The following MAP4K4 variants were observed in gnomAD, a reference collection of about 807,000 sequenced individuals.
The protein encoded by MAP4K4 is mitogen-activated protein kinase kinase kinase kinase 4.
Under a neutral mutation model 189.6 loss-of-function variants are expected in MAP4K4, and 38 were observed. That is an observed-to-expected ratio of 0.20 (90% CI 0.15 to 0.26). The LOEUF is 0.26. MAP4K4 is among the 10% of genes least tolerant of loss of function. MAP4K4 has a pLI of 1.00. For missense variants in MAP4K4, 1,054 were observed against 1,726.9 expected (o/e 0.61, Z 6.91); for synonymous variants, 610 against 624.3 (o/e 0.98, Z 0.34).
At chr2:101,769,738 C>A (rs1209715639) in intron 2 of MAP4K4, among the ~76,000 whole-genome samples, 1 of 152,078 alleles carries the variant, frequency 6.6e-6, no homozygotes, top group African/African-American at 2.4e-5. Flanking sequence ...TGCCCACCAC[C>A]ACACCCAGCT....
chr2:101,698,096 C>T (rs1422015880), exon 1 of MAP4K4: 1 of 1,322,596 alleles, frequency 7.6e-7, no homozygotes, highest in Non-Finnish European at 1.0e-6. Flanking sequence ...GAACGACTCC[C>T]CTGCAAAAAG....
In MAP4K4 at chr2:101,867,519, C is replaced by T. The variant is rs545047868; in HGVS notation, c.2454+210C>T. The T allele has an allele frequency of 1.5e-5, 8 of 518,564 alleles. No homozygotes were observed. In the East Asian group the frequency reaches 2.3e-4, roughly 15 times the overall value. 32.1% of individuals were successfully genotyped at this position (518,564 alleles called of 1,614,324 possible). A position where few individuals can be genotyped will look rare whatever the true frequency, so the allele number is the denominator to read the frequency against. ...TGTATAAAGTCTCAAGTGAGTAAAA[C>T]CTTTTTTCTGTTGTTCCAGCCATAC... On this transcript the variant is annotated intron_variant, in intron 20 of 32. Coordinates refer to ENST00000324219, the Ensembl canonical transcript of MAP4K4.
intron 2 of MAP4K4, among the ~76,000 whole-genome samples, chr2:101,754,535 A>G (rs1490773552): frequency 6.6e-6 from 1 of 151,958 alleles, no homozygotes; most frequent in East Asian, 1.9e-4. Flanking sequence ...TATTTTTAGT[A>G]GAGACAGGAT....
intron 12 of MAP4K4, among the ~76,000 whole-genome samples, chr2:101,845,668 A>G (rs1364862715): frequency 6.6e-6 from 1 of 152,186 alleles, no homozygotes; most frequent in Non-Finnish European, 1.5e-5. Context: ...ATTTTATGGG[A>G]CCACCATTGT....
At chr2:101,698,324 G>A (rs2035724070) in intron 1 of MAP4K4, 149 bp from the exon 2 acceptor site, 2 of 793,286 alleles carry the variant, frequency 2.5e-6, no homozygotes, top group South Asian at 1.5e-5. Flanking sequence ...CACGCCCCGA[G>A]CCCGCCGCGC....
intron 2 of MAP4K4, among the ~76,000 whole-genome samples, chr2:101,708,198 T>C (rs1045821637): frequency 1.3e-5 from 2 of 152,176 alleles, no homozygotes; most frequent in Admixed American, 1.3e-4. Flanking sequence ...ATCATTTTTA[T>C]GGGAATTAAT....
chr2:101,850,596 T>G (rs982359152), intron 12 of MAP4K4, among the ~76,000 whole-genome samples: 1 of 152,120 alleles, frequency 6.6e-6, no homozygotes, highest in Non-Finnish European at 1.5e-5. Context: ...CTACCTTTCT[T>G]AAAAAAATAG....
At chr2:101,789,723 A>T (rs2092515917) in intron 2 of MAP4K4, among the ~76,000 whole-genome samples, 1 of 152,212 alleles carries the variant, frequency 6.6e-6, no homozygotes, top group Non-Finnish European at 1.5e-5. Flanking sequence ...TTTCTCACAA[A>T]GTTGTTAAGT....
intron 2 of MAP4K4, among the ~76,000 whole-genome samples, chr2:101,775,304 A>T (rs938146865): frequency 2.6e-5 from 4 of 151,548 alleles, no homozygotes; most frequent in African/African-American, 9.7e-5. Context: ...GTCAGCTCTT[A>T]GGTCATATTT....
chr2:101,767,897 C>T (rs1194134895), intron 2 of MAP4K4, among the ~76,000 whole-genome samples: 2 of 152,132 alleles, frequency 1.3e-5, no homozygotes, highest in African/African-American at 4.8e-5. Flanking sequence ...TTTCTCCCCT[C>T]ACCCCCCCTT....
chr2:101,758,340 C>T (rs190011210), intron 2 of MAP4K4, among the ~76,000 whole-genome samples: 10 of 152,250 alleles, frequency 6.6e-5, no homozygotes, highest in Admixed American at 5.9e-4. Flanking sequence ...ACATCGTGAG[C>T]GTTGTGTTAC....
intron 11 of MAP4K4, among the ~76,000 whole-genome samples, chr2:101,843,813 A>G (rs1190020862): frequency 6.6e-6 from 1 of 152,214 alleles, no homozygotes; most frequent in Non-Finnish European, 1.5e-5. Context: ...GGTGATTTCA[A>G]CCTTTCCTTT....
intron 2 of MAP4K4, among the ~76,000 whole-genome samples, chr2:101,734,318 T>G (rs148637606): frequency 6.6e-6 from 1 of 152,192 alleles, no homozygotes; most frequent in Non-Finnish European, 1.5e-5. Context: ...AGAAGCTGAT[T>G]ATGTGTACAG....
intron 3 of MAP4K4, among the ~76,000 whole-genome samples, chr2:101,791,993 T>C (rs185387271): frequency 2.0e-5 from 3 of 152,358 alleles, no homozygotes; most frequent in Admixed American, 1.3e-4. Flanking sequence ...ATTATAGTGA[T>C]CCTATCTTGG....
intron 12 of MAP4K4, among the ~76,000 whole-genome samples, chr2:101,846,263 C>G (rs367735391): frequency 2.6e-5 from 4 of 152,214 alleles, no homozygotes; most frequent in Non-Finnish European, 5.9e-5. Flanking sequence ...GAGATCTGTT[C>G]AAGTTGCATA....
intron 12 of MAP4K4, among the ~76,000 whole-genome samples, chr2:101,845,111 C>G (rs549765619): frequency 1.3e-5 from 2 of 151,302 alleles, no homozygotes; most frequent in Non-Finnish European, 2.9e-5. Flanking sequence ...GCCTTCACAC[C>G]TTGATATCAG....
chr2:101,814,964 T>C (rs1235766127), intron 3 of MAP4K4, among the ~76,000 whole-genome samples: 1 of 152,220 alleles, frequency 6.6e-6, no homozygotes, highest in African/African-American at 2.4e-5. Flanking sequence ...CACTGAGCTG[T>C]GTAAATACTA....
At chr2:101,837,156 C>T (rs2096782496) in intron 9 of MAP4K4, among the ~76,000 whole-genome samples, 1 of 147,838 alleles carries the variant, frequency 6.8e-6, no homozygotes, top group Admixed American at 6.8e-5. Flanking sequence ...GCTGCCTCCT[C>T]TTAGGTTCTT....
intron 3 of MAP4K4, among the ~76,000 whole-genome samples, chr2:101,805,882 G>A (rs924971691): frequency 1.1e-4 from 16 of 152,240 alleles, no homozygotes; most frequent in South Asian, 2.1e-4. Context: ...TCTCACTGCC[G>A]CTTCCTTCTC....
Sources: allele counts gnomAD v4.1 joint callset (sites outside exome capture counted in the v4.1 genomes callset), GRCh38; gene constraint gnomAD v4.1.1; transcripts MANE v1.5; gene names NCBI Gene and HGNC (gene_info 2026-07-23, HGNC 2026-07-21).